Variants in ALDH8A1 observed in about 807,000 individuals in gnomAD.
ALDH8A1 encodes 2-aminomuconic semialdehyde dehydrogenase.
Under a neutral mutation model 43.3 loss-of-function variants are expected in ALDH8A1, and 39 were observed. That is an observed-to-expected ratio of 0.90 (90% CI 0.70 to 1.18). ALDH8A1 has a LOEUF of 1.18. Ranked by LOEUF, ALDH8A1 falls within the 50% of genes most tolerant of loss-of-function variation. ALDH8A1 has a pLI of 0.00. For synonymous variants in ALDH8A1, 233 were observed against 243.5 expected (o/e 0.96, Z 0.40); for missense variants, 605 against 622.6 (o/e 0.97, Z 0.30).
chr6:134,918,667 A>T lies in ALDH8A1; in HGVS notation c.1212T>A (p.Ser404Arg), dbSNP rs377740792. 6.2e-7 allele frequency: 1 copy of T among 1,614,114 alleles called. No homozygotes were observed. Among genetic ancestry groups the T allele is most frequent in the Non-Finnish European group, 8.5e-7 (1 of 1,180,024 alleles). ...GPVTCVVPFD[S>R]EEEVIERANN... ...TGGCTCTTTCAATCACCTCCTCTTC[A>T]CTATCAAAGGGGACGACACACGTCA... Residue 404 changes from serine to arginine, a missense_variant, in exon 7 of 7, where the codon AGT becomes AGA. By Grantham distance (110) the Ser-to-Arg change is moderately radical. Transcript: ENST00000265605.
chr6:134,932,780 T>C lies in ALDH8A1; in HGVS notation c.845A>G (p.Asn282Ser), dbSNP rs538273135. 6.2e-7 allele frequency: 1 copy of C among 1,614,062 alleles called. No homozygotes were observed. The highest frequency in any genetic ancestry group is 1.1e-5 in the South Asian group (1 of 91,070). Residue 282 changes from asparagine to serine, a missense_variant, in exon 5 of 7, where the codon AAC (asparagine) becomes AGC (serine). Transcript: ENST00000265605. ...GAAGAACCCCCGGGGACATACCTGG[T>C]TGGCAAAGCTGGACCTGACGGTTGC... The part of the protein sequence containing the change: ...IPATVRSSFA[N>S]QGEICLCTSR...
At chr6:134,931,790 TAC>T (rs1427554520) in intron 5 of ALDH8A1, among the ~76,000 whole-genome samples, 1 of 152,238 alleles carries the variant, frequency 6.6e-6, no homozygotes, top group African/African-American at 2.4e-5. Flanking sequence ...GAGAAATAAT[TAC>T]ACTTATGATT....
intron 3 of ALDH8A1, among the ~76,000 whole-genome samples, chr6:134,940,672 A>C (rs996376001): frequency 4.6e-5 from 7 of 152,216 alleles, no homozygotes; most frequent in African/African-American, 1.7e-4. Context: ...TTCTGAACCT[A>C]TCCAGGTTTC....
chr6:134,934,174 T>C (rs1403015226), intron 4 of ALDH8A1, among the ~76,000 whole-genome samples: 2 of 152,166 alleles, frequency 1.3e-5, no homozygotes, highest in African/African-American at 4.8e-5. Context: ...GCTCCCCCAG[T>C]TGACTGAATG....
Position 134,950,084 on chromosome 6 carries a change from C to A in ALDH8A1, c.-31G>T, listed in dbSNP as rs372772357. On this transcript the variant is annotated 5_prime_UTR_variant, in exon 1 of 7. Coordinates refer to ENST00000265605, the MANE Select transcript of ALDH8A1 (RefSeq NM_022568.4). Reference sequence around the variant, plus strand: ...GGAAAAATTCTGCCTTTCCTCTTTACGACTGAGCACTCAGGTTGTCCCCAC... The same window carrying A: ...GGAAAAATTCTGCCTTTCCTCTTTAAGACTGAGCACTCAGGTTGTCCCCAC... The A allele has an allele frequency of 8.2e-6, 13 of 1,580,376 alleles. No individual in the cohort carries two copies.
chr6:134,937,821 T>C (rs574703762), intron 4 of ALDH8A1, among the ~76,000 whole-genome samples: 3 of 152,244 alleles, frequency 2.0e-5, no homozygotes, highest in African/African-American at 7.2e-5. Context: ...GGGAGGAACA[T>C]GGGAAGGGTC....
At chr6:134,924,311 T>A (rs1434720880) in intron 6 of ALDH8A1, among the ~76,000 whole-genome samples, 1 of 152,118 alleles carries the variant, frequency 6.6e-6, no homozygotes, top group African/African-American at 2.4e-5. Context: ...ACAAAAACTA[T>A]CACAAGGGAC....
rs78862683 is a variant in ALDH8A1, at chr6:134,922,071, G to A, written c.1012-3204C>T. Among the ~76,000 whole-genome samples the A allele has an allele frequency of 6.5e-3, 997 of 152,332 alleles. 15 individuals carry two copies. Among genetic ancestry groups the A allele is most frequent in the African/African-American group, 0.022 (920 of 41,586 alleles). ...TTTCATCTGTGCACACGCTCAGAGT[G>A]GAGCAGTGAGGATGGCAGATGCTCA... On this transcript the variant is annotated intron_variant, in intron 6 of 6. Transcript: ENST00000265605.
At chr6:134,927,962 G>T (rs1198881720) in intron 6 of ALDH8A1, among the ~76,000 whole-genome samples, 1 of 152,144 alleles carries the variant, frequency 6.6e-6, no homozygotes, top group African/African-American at 2.4e-5. Context: ...CACAACTGTT[G>T]GTCTCCCTGG....
At chr6:134,942,632 C>T in intron 2 of ALDH8A1, 68 bp from the exon 3 acceptor site, 2 of 1,482,886 alleles carry the variant, frequency 1.3e-6, no homozygotes, top group South Asian at 2.7e-5. Flanking sequence ...GCTTCCACTG[C>T]CCACGCGTCC....
intron 5 of ALDH8A1, among the ~76,000 whole-genome samples, chr6:134,931,961 C>T (rs1202161109): frequency 1.3e-5 from 2 of 152,310 alleles, no homozygotes; most frequent in Non-Finnish European, 2.9e-5. Flanking sequence ...TCAATATAGA[C>T]ATCTCTCATT....
chr6:134,943,987 A>T, intron 1 of ALDH8A1, 21 bp from the exon 2 acceptor site: 1 of 1,610,834 alleles, frequency 6.2e-7, no homozygotes, highest in Non-Finnish European at 8.5e-7. Flanking sequence ...CAAATGGGAG[A>T]AAGGGTCACC....
At chr6:134,923,707 G>A (rs1776841136) in intron 6 of ALDH8A1, among the ~76,000 whole-genome samples, 1 of 152,128 alleles carries the variant, frequency 6.6e-6, no homozygotes, top group Non-Finnish European at 1.5e-5. Flanking sequence ...ATAATAAGTG[G>A]TTTAGATCTA....
intron 1 of ALDH8A1, 51 bp from the exon 2 acceptor site, chr6:134,944,017 G>A: frequency 6.4e-7 from 1 of 1,564,556 alleles, no homozygotes; most frequent in Non-Finnish European, 8.7e-7. Context: ...TTAGTCCTTG[G>A]GGGATGGACA....
chr6:134,932,333 T>C (rs986353744), intron 5 of ALDH8A1, among the ~76,000 whole-genome samples: 2 of 152,152 alleles, frequency 1.3e-5, no homozygotes, highest in African/African-American at 2.4e-5. Context: ...CTCTAGTCAG[T>C]TTCAGGTATT....
intron 2 of ALDH8A1, 45 bp downstream of exon 2, chr6:134,943,774 A>G (rs1773902181): frequency 6.3e-7 from 1 of 1,598,996 alleles, no homozygotes; most frequent in South Asian, 1.1e-5. Context: ...ATGAATAATC[A>G]GAGATGCCCT....
At chr6:134,942,385 G>A (rs1418358868) in intron 3 of ALDH8A1, 24 bp downstream of exon 3, 2 of 1,568,322 alleles carry the variant, frequency 1.3e-6, no homozygotes, top group Non-Finnish European at 8.7e-7. Context: ...ACCGGGAGGT[G>A]GGCTCTCACT....
chr6:134,924,773 G>GA (rs1479067890), intron 6 of ALDH8A1, among the ~76,000 whole-genome samples: 1 of 152,056 alleles, frequency 6.6e-6, no homozygotes, highest in Non-Finnish European at 1.5e-5. Context: ...TTACTCTAGG[G>GA]AAAAATATGG....
chr6:134,927,532 CAGAG>C (rs200209570), intron 6 of ALDH8A1, among the ~76,000 whole-genome samples: 3 of 152,012 alleles, frequency 2.0e-5, no homozygotes, highest in Non-Finnish European at 2.9e-5. Context: ...CACACACACA[CAGAG>C]AGAGATCATT....
Sources: allele counts gnomAD v4.1 joint callset (sites outside exome capture counted in the v4.1 genomes callset), GRCh38; gene constraint gnomAD v4.1.1; transcripts MANE v1.5; gene names NCBI Gene and HGNC (gene_info 2026-07-23, HGNC 2026-07-21).